DENND1B: variants seen among roughly 807,000 people sequenced by gnomAD.
DENND1B encodes the protein DENN domain containing 1B.
Under a neutral mutation model 90.1 loss-of-function variants are expected in DENND1B, and 59 were observed. That is an observed-to-expected ratio of 0.65 (90% CI 0.53 to 0.81). The LOEUF (loss-of-function observed/expected upper bound fraction) is 0.81, where lower values mean the gene tolerates loss of function less well. Ranked by LOEUF, DENND1B falls within the 40% of genes least tolerant of loss-of-function variation. The pLI is 0.00. For missense variants in DENND1B, 862 were observed against 912.6 expected (o/e 0.94, Z 0.71); for synonymous variants, 337 against 324.6 (o/e 1.04, Z -0.41).
At chr1:197,550,643 C>T (rs1671153074) in intron 16 of DENND1B, among the ~76,000 whole-genome samples, 1 of 131,312 alleles carries the variant, frequency 7.6e-6, no homozygotes, top group South Asian at 2.8e-4. Context: ...AGGGGAACAT[C>T]ACACACCAGG....
At chr1:197,589,965 C>G (rs1675044031) in intron 14 of DENND1B, among the ~76,000 whole-genome samples, 1 of 152,150 alleles carries the variant, frequency 6.6e-6, no homozygotes, top group South Asian at 2.1e-4. Flanking sequence ...ATTTCTTCAG[C>G]ATTAGCTGTT....
At chr1:197,572,803 C>G (rs1434599311) in intron 15 of DENND1B, among the ~76,000 whole-genome samples, 2 of 152,154 alleles carry the variant, frequency 1.3e-5, no homozygotes, top group Non-Finnish European at 2.9e-5. Context: ...CCAGCAAACT[C>G]CAACCGACCT....
At chr1:197,644,673 T>C (rs1680576881) in intron 9 of DENND1B, among the ~76,000 whole-genome samples, 1 of 152,188 alleles carries the variant, frequency 6.6e-6, no homozygotes, top group African/African-American at 2.4e-5. Context: ...AGCAACTTGA[T>C]GCAAAGCTTT....
rs148076168 is a variant in DENND1B, at chr1:197,597,960, T to C, written c.922-2627A>G. On this transcript the variant is annotated intron_variant, in intron 13 of 22. Coordinates refer to ENST00000620048, the MANE Select transcript of DENND1B (RefSeq NM_001195215.2). Reference sequence around the variant, plus strand: ...TGATTATATTTGGAAGCAATAATATTTAGGTATAGGGTTAAATAAAATATA... The same window carrying C: ...TGATTATATTTGGAAGCAATAATATCTAGGTATAGGGTTAAATAAAATATA... 4.7e-4 allele frequency among the ~76,000 whole-genome samples: 72 copies of C among 151,954 alleles called. 1 individual carries two copies. The East Asian group carries it at 0.013, about 28-fold the overall frequency.
intron 15 of DENND1B, among the ~76,000 whole-genome samples, chr1:197,554,379 C>G (rs1028555678): frequency 5.3e-5 from 8 of 151,706 alleles, no homozygotes; most frequent in Admixed American, 5.3e-4. Flanking sequence ...TAATCCTGAC[C>G]ATTTTTTACC....
chr1:197,517,495 T>G (rs1345461932), intron 20 of DENND1B, among the ~76,000 whole-genome samples: 1 of 151,874 alleles, frequency 6.6e-6, no homozygotes, highest in Non-Finnish European at 1.5e-5. Flanking sequence ...CACTTTTCTC[T>G]TACATTTATC....
chr1:197,658,557 CAG>C (rs1421686936), intron 5 of DENND1B, among the ~76,000 whole-genome samples, 188 bp from the exon 6 acceptor site: 4 of 151,776 alleles, frequency 2.6e-5, no homozygotes, highest in African/African-American at 9.7e-5. Context: ...TAAAACAAAT[CAG>C]AATCTAGAGT....
chr1:197,681,375 A>G (rs2488410), intron 3 of DENND1B, among the ~76,000 whole-genome samples: 127,791 of 152,094 alleles, frequency 0.84, 53,979 homozygotes, highest in African/African-American at 0.92. Context: ...CTACTACATT[A>G]GCTGCTTTCT....
intron 14 of DENND1B, among the ~76,000 whole-genome samples, chr1:197,593,941 T>C (rs1862011): frequency 0.96 from 145,690 of 152,120 alleles, 70,065 homozygotes; most frequent in South Asian, 1. Flanking sequence ...TTAACTGATG[T>C]TGAACAATTC....
At chr1:197,657,099 C>A (rs1351348740) in intron 6 of DENND1B, among the ~76,000 whole-genome samples, 1 of 151,994 alleles carries the variant, frequency 6.6e-6, no homozygotes, top group African/African-American at 2.4e-5. Context: ...TTTTGTGCAT[C>A]AAACAATACT....
chr1:197,542,207 T>C (rs938955013), intron 18 of DENND1B, among the ~76,000 whole-genome samples: 2 of 152,190 alleles, frequency 1.3e-5, no homozygotes, highest in Non-Finnish European at 1.5e-5. Context: ...CCAAATAAAA[T>C]ATGAATTCCA....
chr1:197,670,796 AC>A (rs1188372167), intron 5 of DENND1B, among the ~76,000 whole-genome samples: 1 of 152,060 alleles, frequency 6.6e-6, no homozygotes, highest in Admixed American at 6.6e-5. Context: ...ACCATTGCCC[AC>A]ACTGTCATCT....
intron 2 of DENND1B, among the ~76,000 whole-genome samples, chr1:197,756,802 T>C (rs964846006): frequency 4.6e-5 from 7 of 151,276 alleles, no homozygotes; most frequent in African/African-American, 1.7e-4. Context: ...ATAATTAGAG[T>C]TAATCATTAT....
chr1:197,573,105 A>G (rs1331195919), intron 15 of DENND1B, among the ~76,000 whole-genome samples: 1 of 151,942 alleles, frequency 6.6e-6, no homozygotes, highest in Non-Finnish European at 1.5e-5. Flanking sequence ...TGGATTCATT[A>G]ATTTTTTGAA....
intron 3 of DENND1B, among the ~76,000 whole-genome samples, chr1:197,700,762 C>A (rs1398671681): frequency 6.6e-6 from 1 of 152,100 alleles, no homozygotes; most frequent in African/African-American, 2.4e-5. Context: ...ACAACCCCAT[C>A]AAAAAGTAGG....
At chr1:197,682,429 T>G (rs1485791118) in intron 3 of DENND1B, among the ~76,000 whole-genome samples, 1 of 152,220 alleles carries the variant, frequency 6.6e-6, no homozygotes, top group East Asian at 1.9e-4. Flanking sequence ...TCTAGTCAGT[T>G]CCACTCATAT....
intron 15 of DENND1B, among the ~76,000 whole-genome samples, chr1:197,569,969 A>T (rs1416304550): frequency 2.0e-5 from 3 of 152,142 alleles, no homozygotes. Context: ...GAGTTAACTG[A>T]TATGTTACTT....
chr1:197,607,952 CTTAT>C, intron 12 of DENND1B, among the ~76,000 whole-genome samples: 1 of 150,586 alleles, frequency 6.6e-6, no homozygotes, highest in South Asian at 2.1e-4. Context: ...TTTTATTAGT[CTTAT>C]TTAATTTGTA....
At chr1:197,639,947 C>T (rs1452352685) in intron 10 of DENND1B, among the ~76,000 whole-genome samples, 1 of 152,042 alleles carries the variant, frequency 6.6e-6, no homozygotes, top group African/African-American at 2.4e-5. Flanking sequence ...TTTATCAGCC[C>T]AACGGTCCCA....
Sources: allele counts gnomAD v4.1 joint callset (sites outside exome capture counted in the v4.1 genomes callset), GRCh38; gene constraint gnomAD v4.1.1; transcripts MANE v1.5; gene names NCBI Gene and HGNC (gene_info 2026-07-23, HGNC 2026-07-21).